SPMIP10: variants seen among roughly 807,000 people sequenced by gnomAD.
The protein encoded by SPMIP10 is sperm microtubule inner protein 10.
chr5:126,632,258 T>TAAAAAA, the SPMIP10 span, among the ~76,000 whole-genome samples: 3 of 57,182 alleles, frequency 5.2e-5, 1 homozygote, highest in Admixed American at 2.5e-4. Context: ...TCCATCTCAT[T>TAAAAAA]AAAAAAAAAA....
At chr5:126,632,492 C>A in the SPMIP10 span, 1 of 1,034,586 alleles carries the variant, frequency 9.7e-7, no homozygotes, top group Non-Finnish European at 1.5e-6. Flanking sequence ...TGGAATGATG[C>A]TAAAATGATT....
chr5:126,634,943 CAG>C, the SPMIP10 span, among the ~76,000 whole-genome samples: 16 of 151,778 alleles, frequency 1.1e-4, no homozygotes, highest in South Asian at 4.2e-4. Flanking sequence ...GAGGCTGAGA[CAG>C]GGGGATAGTT....
At chr5:126,632,089 C>A in the SPMIP10 span, among the ~76,000 whole-genome samples, 1 of 151,410 alleles carries the variant, frequency 6.6e-6, no homozygotes, top group Non-Finnish European at 1.5e-5. Context: ...AGGTGCCTTG[C>A]CTTTTCCCTT....
At chr5:126,635,171 A>AATATATATATATATATATATAT in the SPMIP10 span, among the ~76,000 whole-genome samples, 83 of 140,176 alleles carry the variant, frequency 5.9e-4, no homozygotes, top group East Asian at 6.9e-3. Context: ...CCGTCTGTGA[A>AATATATATATATATATATATAT]ATATATATAT....
the SPMIP10 span, among the ~76,000 whole-genome samples, chr5:126,635,469 G>T: frequency 3.9e-4 from 59 of 151,974 alleles, no homozygotes; most frequent in Admixed American, 3.9e-3. Flanking sequence ...TGAGTCTTCT[G>T]GGAGTAAATG....
At chr5:126,633,655 G>A in the SPMIP10 span, among the ~76,000 whole-genome samples, 31 of 151,714 alleles carry the variant, frequency 2.0e-4, no homozygotes, top group Non-Finnish European at 2.1e-4. Context: ...CCACCACACC[G>A]GGCCTACTTT....
At chr5:126,635,187 T>TATATATAC in the SPMIP10 span, among the ~76,000 whole-genome samples, 36 of 150,216 alleles carry the variant, frequency 2.4e-4, no homozygotes, top group East Asian at 5.1e-3. Context: ...TATATATATA[T>TATATATAC]ATATATATAT....
the SPMIP10 span, chr5:126,636,041 G>T: frequency 2.5e-5 from 41 of 1,613,060 alleles, no homozygotes; most frequent in Admixed American, 2.2e-4. Flanking sequence ...GCAAGCAGAA[G>T]TGTGTGGGAT....
the SPMIP10 span, chr5:126,632,505 AT>A: frequency 8.9e-7 from 1 of 1,124,046 alleles, no homozygotes; most frequent in Non-Finnish European, 1.4e-6. Flanking sequence ...AAATGATTGT[AT>A]TTGGCTCACA....
At chr5:126,632,609 C>T in the SPMIP10 span, 35,832 of 1,611,096 alleles carry the variant, frequency 0.022, 6,535 homozygotes, top group African/African-American at 0.41. Flanking sequence ...GACGTTATGT[C>T]ATGCCTTGGA....
At chr5:126,636,169 G>A in the SPMIP10 span, 4 of 1,614,014 alleles carry the variant, frequency 2.5e-6, no homozygotes, top group South Asian at 3.3e-5. Flanking sequence ...TTGCAGATAT[G>A]CCTTTGCATT....
the SPMIP10 span, among the ~76,000 whole-genome samples, chr5:126,634,336 G>A: frequency 6.6e-6 from 1 of 152,144 alleles, no homozygotes; most frequent in African/African-American, 2.4e-5. Flanking sequence ...GGAGGCTGAG[G>A]CAGGAGAATC....
chr5:126,631,878 A>C, the SPMIP10 span: 1 of 1,040,700 alleles, frequency 9.6e-7, no homozygotes, highest in Non-Finnish European at 1.5e-6. Context: ...CCTGGGAGCC[A>C]CAAAGATACG....
the SPMIP10 span, chr5:126,632,677 A>G: frequency 4.2e-6 from 6 of 1,424,200 alleles, no homozygotes; most frequent in Non-Finnish European, 5.9e-6. Flanking sequence ...AAGCACACAT[A>G]AGGAAAAAAA....
chr5:126,632,162 G>T, the SPMIP10 span, among the ~76,000 whole-genome samples: 6 of 149,714 alleles, frequency 4.0e-5, no homozygotes, highest in African/African-American at 1.5e-4. Flanking sequence ...AGTTTGAGAG[G>T]CCAAGGTGGG....
chr5:126,635,002 G>A, the SPMIP10 span, among the ~76,000 whole-genome samples: 1 of 151,370 alleles, frequency 6.6e-6, no homozygotes, highest in Non-Finnish European at 1.5e-5. Flanking sequence ...GCGAGATCCT[G>A]TCTATTAAAA....
At chr5:126,633,224 T>G in the SPMIP10 span, among the ~76,000 whole-genome samples, 2 of 152,002 alleles carry the variant, frequency 1.3e-5, no homozygotes, top group Non-Finnish European at 2.9e-5. Context: ...GCCATTAATA[T>G]TAAAGGTACA....
the SPMIP10 span, among the ~76,000 whole-genome samples, chr5:126,632,258 T>TAAAAAAA: frequency 1.7e-5 from 1 of 57,182 alleles, no homozygotes; most frequent in Non-Finnish European, 3.4e-5. Flanking sequence ...TCCATCTCAT[T>TAAAAAAA]AAAAAAAAAA....
the SPMIP10 span, among the ~76,000 whole-genome samples, chr5:126,632,881 G>T: frequency 6.6e-6 from 1 of 151,622 alleles, no homozygotes; most frequent in African/African-American, 2.4e-5. Context: ...CAGCTACTCG[G>T]GAGGCTGAGG....
Sources: allele counts gnomAD v4.1 joint callset (sites outside exome capture counted in the v4.1 genomes callset), GRCh38; gene constraint gnomAD v4.1.1; transcripts MANE v1.5; gene names NCBI Gene and HGNC (gene_info 2026-07-23, HGNC 2026-07-21).